The following LRCH1 variants were observed in gnomAD, a reference collection of about 807,000 sequenced individuals.
The protein encoded by LRCH1 is leucine rich repeats and calponin homology domain containing 1.
Under a neutral mutation model 94.9 loss-of-function variants are expected in LRCH1, and 23 were observed. The ratio of observed to expected loss-of-function variants is 0.24; its 90% CI spans 0.17 to 0.34. The LOEUF (loss-of-function observed/expected upper bound fraction) is 0.34. Among genes scored for constraint, LRCH1 ranks in the 10% least tolerant of loss-of-function variants. The pLI is 1.00. For synonymous variants in LRCH1, 364 were observed against 354.9 expected (o/e 1.03, Z -0.29); for missense variants, 790 against 945.9 (o/e 0.84, Z 2.16).
At chr13:46,749,085 G>A (rs561524879), downstream of LRCH1, among the ~76,000 whole-genome samples, 4 of 152,298 alleles carry the variant, frequency 2.6e-5, no homozygotes, top group African/African-American at 9.6e-5. Context: ...CAAGTGTCAC[G>A]TGGAAGGAAG....
Position 46,742,652 on chromosome 13 carries a change from A to G in LRCH1, c.*804A>G, listed in dbSNP as rs1873726797. The G allele has an allele frequency of 1.0e-6, 1 of 985,312 alleles. No homozygotes were observed. Among genetic ancestry groups the G allele is most frequent in the South Asian group, 4.7e-5 (1 of 21,292 alleles). The allele number at this position is 985,312 out of a possible 1,614,324, so 61.0% of individuals were successfully genotyped here. A position where few individuals can be genotyped will look rare whatever the true frequency, so the allele number is the denominator to read the frequency against. ...TGAGGCTCTTAGAAAAGCGTTTTCCAGAGAGATTTCTATTTTTGAACAATG... is the reference window on the plus strand; with the variant it reads ...TGAGGCTCTTAGAAAAGCGTTTTCCGGAGAGATTTCTATTTTTGAACAATG... On this transcript the variant is annotated 3_prime_UTR_variant, in exon 20 of 20. Coordinates refer to ENST00000389797, the MANE Select transcript of LRCH1 (RefSeq NM_001164211.2).
At chr13:46,645,457 TATTA>T (rs1386475408) in intron 1 of LRCH1, among the ~76,000 whole-genome samples, 1 of 152,270 alleles carries the variant, frequency 6.6e-6, no homozygotes, top group Non-Finnish European at 1.5e-5. Context: ...TAACTGCTGC[TATTA>T]ATTATGATGA....
At chr13:46,642,633 A>C (rs1413476290) in intron 1 of LRCH1, among the ~76,000 whole-genome samples, 1 of 152,206 alleles carries the variant, frequency 6.6e-6, no homozygotes, top group Admixed American at 6.5e-5. Context: ...CTAACCTAGC[A>C]ATGCTTAATT....
intron 1 of LRCH1, among the ~76,000 whole-genome samples, chr13:46,554,047 T>TA (rs1401825493): frequency 3.3e-5 from 5 of 152,124 alleles, no homozygotes; most frequent in African/African-American, 1.2e-4. Context: ...GCGCGCAGTG[T>TA]AAGTGGGAGG....
intron 1 of LRCH1, among the ~76,000 whole-genome samples, chr13:46,643,673 G>A (rs2051186765): frequency 6.6e-6 from 1 of 151,994 alleles, no homozygotes; most frequent in African/African-American, 2.4e-5. Flanking sequence ...CCTAAGCAAA[G>A]CATCAAAAAG....
At chr13:46,712,718 C>A in intron 15 of LRCH1, 121 bp downstream of exon 15, 1 of 877,062 alleles carries the variant, frequency 1.1e-6, no homozygotes, top group Non-Finnish European at 1.8e-6. Flanking sequence ...GAAATCCTGG[C>A]ATCTACAGCT....
At chr13:46,664,292 A>G (rs1276332910) in intron 2 of LRCH1, among the ~76,000 whole-genome samples, 1 of 152,250 alleles carries the variant, frequency 6.6e-6, no homozygotes, top group Non-Finnish European at 1.5e-5. Flanking sequence ...ACAATGGACC[A>G]CATATGTGAC....
intron 4 of LRCH1, among the ~76,000 whole-genome samples, chr13:46,683,184 T>A (rs532448886): frequency 5.3e-4 from 80 of 152,376 alleles, no homozygotes; most frequent in African/African-American, 1.7e-3. Flanking sequence ...TGCCTGATTT[T>A]AATTATCCTG....
At chr13:46,585,754 G>A (rs1014726685) in intron 1 of LRCH1, among the ~76,000 whole-genome samples, 1 of 152,024 alleles carries the variant, frequency 6.6e-6, no homozygotes, top group Non-Finnish European at 1.5e-5. Context: ...AAAGAACGTT[G>A]TCATTCCCCC....
chr13:46,712,440 C>T, intron 14 of LRCH1, 85 bp from the exon 15 acceptor site: 1 of 1,071,868 alleles, frequency 9.3e-7, no homozygotes, highest in Middle Eastern at 2.0e-4. Flanking sequence ...AGTTTTGTTA[C>T]AATCCTTGAA....
chr13:46,699,915 A>G (rs1871378010), intron 10 of LRCH1, among the ~76,000 whole-genome samples: 1 of 152,184 alleles, frequency 6.6e-6, no homozygotes, highest in Non-Finnish European at 1.5e-5. Context: ...CAACACTCCT[A>G]ACAGATAAGT....
intron 3 of LRCH1, among the ~76,000 whole-genome samples, chr13:46,680,605 G>A (rs1395378547): frequency 6.6e-6 from 1 of 152,180 alleles, no homozygotes; most frequent in Non-Finnish European, 1.5e-5. Context: ...GGCAGGGAAG[G>A]AGCATGAACA....
chr13:46,613,348 G>T (rs1033964738), intron 1 of LRCH1, among the ~76,000 whole-genome samples: 51 of 151,760 alleles, frequency 3.4e-4, no homozygotes, highest in African/African-American at 1.2e-3. Flanking sequence ...CAAGATTGCG[G>T]CTGCACTCCT....
chr13:46,715,531 C>T (rs888177658), intron 15 of LRCH1, 29 bp from the exon 16 acceptor site: 10 of 1,342,100 alleles, frequency 7.5e-6, no homozygotes, highest in Admixed American at 5.9e-5. Flanking sequence ...TGCAACTGTA[C>T]GCGGACTGGC....
chr13:46,681,849 A>G lies in LRCH1; in HGVS notation c.685+3A>G, dbSNP rs1468301195. On this transcript the variant is annotated splice_donor_region_variant and intron_variant, in intron 4 of 19. Coordinates refer to ENST00000389797, the MANE Select transcript of LRCH1 (RefSeq NM_001164211.2). ...TTACCTTAAAGTTTTACCACAAGGT[A>G]AAAAAGAAAGAGGGAAAATGAAGAA... 1.3e-6 allele frequency: 2 copies of G among 1,581,628 alleles called. No homozygotes were observed. Among genetic ancestry groups the G allele is most frequent in the East Asian group, 2.2e-5 (1 of 44,712 alleles).
intron 1 of LRCH1, among the ~76,000 whole-genome samples, chr13:46,565,343 G>A (rs1203008294): frequency 6.6e-5 from 10 of 152,142 alleles, no homozygotes; most frequent in African/African-American, 4.8e-5. Context: ...AGTCTTGGGA[G>A]GATGGTAGCA....
At chr13:46,676,226 A>G (rs972111018) in intron 3 of LRCH1, among the ~76,000 whole-genome samples, 3 of 151,460 alleles carry the variant, frequency 2.0e-5, no homozygotes, top group Non-Finnish European at 4.4e-5. Context: ...GCGCCACCGC[A>G]CTCCAGCCTG....
At chr13:46,655,997 A>G (rs2051365407) in intron 2 of LRCH1, among the ~76,000 whole-genome samples, 1 of 152,222 alleles carries the variant, frequency 6.6e-6, no homozygotes, top group Admixed American at 6.5e-5. Context: ...CTTGAACAAA[A>G]TGTTATCACA....
intron 8 of LRCH1, among the ~76,000 whole-genome samples, chr13:46,693,932 A>G (rs371310692): frequency 1.6e-5 from 2 of 127,106 alleles, no homozygotes; most frequent in Non-Finnish European, 3.5e-5. Context: ...AGAGCTGTTT[A>G]AGTTCACTCA....
Sources: allele counts gnomAD v4.1 joint callset (sites outside exome capture counted in the v4.1 genomes callset), GRCh38; gene constraint gnomAD v4.1.1; transcripts MANE v1.5; gene names NCBI Gene and HGNC (gene_info 2026-07-23, HGNC 2026-07-21).